ITGB8: variants seen among roughly 807,000 people sequenced by gnomAD.
The protein encoded by ITGB8 is integrin beta-8.
In ITGB8, 30 loss-of-function variants were observed where a neutral mutation model predicts 89.5. That is an observed-to-expected ratio of 0.34 (90% confidence interval 0.25 to 0.45). The LOEUF (loss-of-function observed/expected upper bound fraction) is 0.45. Ranked by LOEUF, ITGB8 falls within the 20% of genes least tolerant of loss-of-function variation. The pLI is 1.00. For synonymous variants in ITGB8, 335 were observed against 320.4 expected (o/e 1.05, Z -0.49); for missense variants, 836 against 933.3 (o/e 0.90, Z 1.36).
chr7:20,394,979 C>T lies in ITGB8; in HGVS notation c.1140C>T (p.Ala380=). The T allele has an allele frequency of 1.3e-6, 2 of 1,593,686 alleles. No individual in the cohort carries two copies. Among genetic ancestry groups the T allele is most frequent in the South Asian group, 2.2e-5 (2 of 90,650 alleles). ...ACCTCAATAATTTGGTAGTGGAAGC[C>T]TATCAGGTATGTATATATTAGATAC... is the stretch of plus-strand genomic sequence containing the variant. ...AANLNNLVVE[A]YQKLISEVKV... Residue 380 remains alanine (A), a synonymous_variant, in exon 8 of 14, where the codon GCC becomes GCT. Transcript: ENST00000222573.
intron 2 of ITGB8, 86 bp from the exon 3 acceptor site, chr7:20,366,926 C>A: frequency 2.3e-5 from 20 of 886,804 alleles, no homozygotes; most frequent in East Asian, 1.3e-4. Flanking sequence ...TATAAAATAC[C>A]AAAAATGCAA....
chr7:20,374,243 AT>A (rs1281046320), intron 3 of ITGB8, among the ~76,000 whole-genome samples: 1 of 152,182 alleles, frequency 6.6e-6, no homozygotes, highest in Non-Finnish European at 1.5e-5. Flanking sequence ...TGTAGTAAAC[AT>A]GTGGGCCCTT....
intron 1 of ITGB8, among the ~76,000 whole-genome samples, chr7:20,334,735 A>G (rs942201053): frequency 7.9e-5 from 12 of 152,194 alleles, no homozygotes; most frequent in African/African-American, 2.4e-4. Flanking sequence ...AATTAATTCT[A>G]TCTTGAAGCA....
At chr7:20,372,625 A>G (rs1785980972) in intron 3 of ITGB8, among the ~76,000 whole-genome samples, 1 of 152,304 alleles carries the variant, frequency 6.6e-6, no homozygotes, top group Admixed American at 6.5e-5. Flanking sequence ...AGGAGATGGT[A>G]AGTGAACGCA....
At chr7:20,358,873 C>T (rs138038632) in intron 1 of ITGB8, among the ~76,000 whole-genome samples, 1 of 152,302 alleles carries the variant, frequency 6.6e-6, no homozygotes, top group African/African-American at 2.4e-5. Flanking sequence ...TACTTTCACC[C>T]TCTAGTAGTT....
chr7:20,410,522 G>C lies in ITGB8; in HGVS notation c.*525G>C, dbSNP rs1303640703. On this transcript the variant is annotated 3_prime_UTR_variant, in exon 14 of 14. Transcript: ENST00000222573. ...TGATTCGTGTTTCACTCTTTCAAGAGGTGAACAGATACAACCTTAATCTTA... is the reference window on the plus strand; with the variant it reads ...TGATTCGTGTTTCACTCTTTCAAGACGTGAACAGATACAACCTTAATCTTA... The C allele has an allele frequency of 6.5e-6, 1 of 153,024 alleles. No individual in the cohort carries two copies. The highest frequency in any genetic ancestry group is 6.5e-5 in the Admixed American group (1 of 15,322). 9.5% of individuals were successfully genotyped at this position (153,024 alleles called of 1,614,324 possible). A position where few individuals can be genotyped will look rare whatever the true frequency, so the allele number is the denominator to read the frequency against.
intron 1 of ITGB8, among the ~76,000 whole-genome samples, chr7:20,354,036 G>A (rs1466896391): frequency 1.3e-5 from 2 of 150,302 alleles, no homozygotes; most frequent in African/African-American, 2.4e-5. Flanking sequence ...TAGTTACATT[G>A]CCTTTTGTGA....
In ITGB8 at chr7:20,370,092, C is replaced by A. The variant is rs932971526; in HGVS notation, c.388+2906C>A. Among the ~76,000 whole-genome samples the A allele has an allele frequency of 4.4e-4, 66 of 150,858 alleles. 1 individual carries two copies. The highest frequency in any genetic ancestry group is 1.6e-3 in the African/African-American group (65 of 41,218). On this transcript the variant is annotated intron_variant, in intron 3 of 13. Transcript: ENST00000222573. ...AGAGTTCCTAAATTTAAAAACAAAG[C>A]AAAATTAATGAAATGCAAAATAGGA...
At chr7:20,377,421 G>A (rs1583509119) in intron 3 of ITGB8, 1 of 152,002 alleles carries the variant, frequency 6.6e-6, no homozygotes, top group East Asian at 1.9e-4. Flanking sequence ...CCAAAAAAAC[G>A]CTGATCCACA....
intron 3 of ITGB8, among the ~76,000 whole-genome samples, chr7:20,370,452 A>ACCT (rs1438306045): frequency 1.3e-5 from 2 of 151,238 alleles, no homozygotes; most frequent in East Asian, 3.8e-4. Flanking sequence ...AATTATAATT[A>ACCT]CCTCCCTTAA....
At chr7:20,335,569 C>T (rs936358651) in intron 1 of ITGB8, among the ~76,000 whole-genome samples, 6 of 152,204 alleles carry the variant, frequency 3.9e-5, no homozygotes, top group Non-Finnish European at 5.9e-5. Context: ...TCATTTAAAG[C>T]AATATCCATA....
chr7:20,369,899 T>C (rs1240346286), intron 3 of ITGB8, among the ~76,000 whole-genome samples: 1 of 152,070 alleles, frequency 6.6e-6, no homozygotes, highest in Non-Finnish European at 1.5e-5. Context: ...AAGCCAATAA[T>C]AGCAGTAACA....
At position 20,375,270 on chromosome 7, in the gene ITGB8, G is replaced by A. The variant is rs551245299; in HGVS notation, c.389-3781G>A. The stretch of plus-strand genomic sequence containing the variant: ...GTCAATTATAACTATTTTCCTCAAA[G>A]TTGGTCTTACCTATGTTTAGTGGTA... On this transcript the variant is annotated intron_variant, in intron 3 of 13. Transcript: ENST00000222573. 3.3e-5 allele frequency among the ~76,000 whole-genome samples: 5 copies of A among 151,910 alleles called. No homozygotes were observed. The East Asian group carries it at 9.7e-4, about 29-fold the overall frequency.
At chr7:20,350,358 G>A (rs779719264) in intron 1 of ITGB8, among the ~76,000 whole-genome samples, 4 of 152,174 alleles carry the variant, frequency 2.6e-5, no homozygotes, top group South Asian at 2.1e-4. Flanking sequence ...ATGTTGGTCA[G>A]GCTGGTCTTG....
chr7:20,368,686 G>A (rs1785804005), intron 3 of ITGB8, among the ~76,000 whole-genome samples: 1 of 152,066 alleles, frequency 6.6e-6, no homozygotes, highest in South Asian at 2.1e-4. Flanking sequence ...AAATTCTTGA[G>A]ATTTGAAAAT....
intron 1 of ITGB8, among the ~76,000 whole-genome samples, chr7:20,353,671 C>T (rs1399017386): frequency 3.4e-5 from 5 of 147,272 alleles, no homozygotes; most frequent in East Asian, 1.9e-4. Context: ...CGGTGGCTCA[C>T]GCCTGTAATC....
intron 1 of ITGB8, among the ~76,000 whole-genome samples, chr7:20,349,367 A>G (rs1355415448): frequency 6.6e-6 from 1 of 151,620 alleles, no homozygotes; most frequent in Admixed American, 6.6e-5. Flanking sequence ...TTTTGACATT[A>G]CTTTCAATGG....
rs569296017 is a variant in ITGB8, at chr7:20,408,013, C to T, written c.2024-1602C>T. 2.6e-5 allele frequency among the ~76,000 whole-genome samples: 4 copies of T among 152,294 alleles called. No individual in the cohort carries two copies. In the South Asian group the frequency reaches 8.3e-4, roughly 32 times the overall value. On this transcript the variant is annotated intron_variant, in intron 12 of 13. Coordinates refer to ENST00000222573, the MANE Select transcript of ITGB8 (RefSeq NM_002214.3). ...GAGGGAAAGGGCATTTGTTAGGCAC[C>T]TCTATTATCTATCCACTCAGTTGCA...
At chr7:20,376,872 G>A (rs1786170190) in intron 3 of ITGB8, among the ~76,000 whole-genome samples, 1 of 152,186 alleles carries the variant, frequency 6.6e-6, no homozygotes, top group South Asian at 2.1e-4. Flanking sequence ...CAAGGCCTCA[G>A]CTGACTCCGG....
Sources: allele counts gnomAD v4.1 joint callset (sites outside exome capture counted in the v4.1 genomes callset), GRCh38; gene constraint gnomAD v4.1.1; transcripts MANE v1.5; gene names NCBI Gene and HGNC (gene_info 2026-07-23, HGNC 2026-07-21).